CCDC148: variants seen among roughly 807,000 people sequenced by gnomAD.
CCDC148 encodes coiled-coil domain-containing protein 148.
In CCDC148, 89 loss-of-function variants were observed where a neutral mutation model predicts 85.7. The ratio of observed to expected loss-of-function variants is 1.04; its 90% CI spans 0.87 to 1.24. The LOEUF is 1.24. Ranked by LOEUF, CCDC148 falls within the 50% of genes most tolerant of loss-of-function variation. The pLI, the probability that CCDC148 is intolerant of heterozygous loss-of-function variation, is 0.00. For synonymous variants in CCDC148, 230 were observed against 213.9 expected (o/e 1.08, Z -0.66); for missense variants, 692 against 671.7 (o/e 1.03, Z -0.33).
chr2:158,415,918 C>T (rs1444697427), intron 1 of CCDC148, among the ~76,000 whole-genome samples: 1 of 152,232 alleles, frequency 6.6e-6, no homozygotes, highest in Non-Finnish European at 1.5e-5. Flanking sequence ...TTCCCCTCTA[C>T]ACTGTCCTAG....
intron 1 of CCDC148, among the ~76,000 whole-genome samples, chr2:158,388,701 G>A (rs1304907097): frequency 6.6e-6 from 1 of 152,074 alleles, no homozygotes; most frequent in Non-Finnish European, 1.5e-5. Flanking sequence ...CACCATGTTG[G>A]CCAGGCTGGG....
chr2:158,247,589 G>C (rs1225926481), intron 10 of CCDC148, among the ~76,000 whole-genome samples: 2 of 152,162 alleles, frequency 1.3e-5, no homozygotes, highest in African/African-American at 4.8e-5. Flanking sequence ...GGGCATGGTA[G>C]CTCACACCTG....
rs145456744 is a variant in CCDC148 at position 158,183,051 on chromosome 2, G to A, written c.1371-4055C>T. On this transcript the variant is annotated intron_variant, in intron 11 of 13. Transcript: ENST00000283233. Reference sequence around the variant, plus strand: ...TGCACTGAATTCCCAAACAGAAACCGTCTTGGGTTCATTTCTCAGTCTATT... The same window carrying A: ...TGCACTGAATTCCCAAACAGAAACCATCTTGGGTTCATTTCTCAGTCTATT... 4.6e-5 allele frequency among the ~76,000 whole-genome samples: 7 copies of A among 152,216 alleles called. No homozygotes were observed. In the East Asian group the frequency reaches 7.7e-4, roughly 17 times the overall value.
At chr2:158,195,733 G>C (rs992136588) in intron 11 of CCDC148, among the ~76,000 whole-genome samples, 3 of 152,120 alleles carry the variant, frequency 2.0e-5, no homozygotes, top group Non-Finnish European at 4.4e-5. Flanking sequence ...AAGAAGACAA[G>C]ATAGAAATAT....
chr2:158,236,990 C>A (rs1048410583), intron 10 of CCDC148, among the ~76,000 whole-genome samples: 1 of 151,962 alleles, frequency 6.6e-6, no homozygotes, highest in African/African-American at 2.4e-5. Context: ...AAAGAGGATG[C>A]CATTTTTGTT....
intron 9 of CCDC148, among the ~76,000 whole-genome samples, chr2:158,280,135 A>G (rs1247184948): frequency 3.3e-5 from 5 of 152,200 alleles, no homozygotes; most frequent in African/African-American, 1.2e-4. Context: ...AGCACTAAAC[A>G]TGGAAAGGAA....
rs967396504 is a variant in CCDC148, at chr2:158,332,505, G to A, written c.764+6221C>T. Among the ~76,000 whole-genome samples the A allele has an allele frequency of 2.1e-5, 3 of 142,060 alleles. 1 individual carries two copies. Among genetic ancestry groups the A allele is most frequent in the African/African-American group, 5.4e-5 (2 of 37,116 alleles). 93.2% of individuals were successfully genotyped at this position (142,060 alleles called of 152,430 possible). ...TGGTCTGAAATTTTCTTTTTTTGTC[G>A]TGTCTCTGCCAGGTTTTGGTATCAG... On this transcript the variant is annotated intron_variant, in intron 7 of 13. Transcript: ENST00000283233.
intron 1 of CCDC148, among the ~76,000 whole-genome samples, chr2:158,405,671 A>G (rs981234735): frequency 5.3e-5 from 8 of 152,280 alleles, no homozygotes; most frequent in African/African-American, 1.9e-4. Flanking sequence ...TTAAACATTA[A>G]AGAACAGTTC....
chr2:158,403,236 GTC>G (rs1173597040), intron 1 of CCDC148, among the ~76,000 whole-genome samples: 2 of 151,336 alleles, frequency 1.3e-5, no homozygotes, highest in African/African-American at 2.4e-5. Flanking sequence ...CAGTCAAAAT[GTC>G]TGTCAACTCC....
intron 1 of CCDC148, among the ~76,000 whole-genome samples, chr2:158,380,312 T>G (rs577566605): frequency 6.6e-6 from 1 of 152,218 alleles, no homozygotes; most frequent in South Asian, 2.1e-4. Flanking sequence ...AATAGTACTG[T>G]AAAAGAAAGC....
At chr2:158,437,313 C>T (rs1687706171) in intron 1 of CCDC148, among the ~76,000 whole-genome samples, 2 of 152,196 alleles carry the variant, frequency 1.3e-5, no homozygotes, top group Admixed American at 1.3e-4. Context: ...GGATACAAGG[C>T]TGGTTCAACA....
At chr2:158,291,241 C>T (rs921913079) in intron 9 of CCDC148, among the ~76,000 whole-genome samples, 6 of 152,112 alleles carry the variant, frequency 3.9e-5, no homozygotes, top group East Asian at 3.9e-4. Flanking sequence ...GCATGTGCCA[C>T]GGTCCCCAGG....
At chr2:158,444,785 GAAAAAAAAA>G (rs11433320) in intron 1 of CCDC148, among the ~76,000 whole-genome samples, 4 of 66,678 alleles carry the variant, frequency 6.0e-5, no homozygotes, top group African/African-American at 2.8e-4. Context: ...ACCCTGTCTT[GAAAAAAAAA>G]AAAAAAAAAA....
At chr2:158,298,658 C>T (rs1691306873) in intron 9 of CCDC148, among the ~76,000 whole-genome samples, 1 of 152,136 alleles carries the variant, frequency 6.6e-6, no homozygotes, top group Non-Finnish European at 1.5e-5. Context: ...AAAGCCAATT[C>T]AATAGATTCT....
chr2:158,440,607 C>A (rs915492863), intron 1 of CCDC148, among the ~76,000 whole-genome samples: 2 of 152,054 alleles, frequency 1.3e-5, no homozygotes, highest in South Asian at 2.1e-4. Context: ...AAATTAGGCA[C>A]AGTAAAAGAT....
chr2:158,330,928 C>G (rs1414120070), intron 7 of CCDC148, among the ~76,000 whole-genome samples: 2 of 152,084 alleles, frequency 1.3e-5, no homozygotes, highest in Non-Finnish European at 2.9e-5. Flanking sequence ...TTCTGGCAGT[C>G]TATCAATTTT....
chr2:158,329,116 T>G (rs967252702), intron 7 of CCDC148, among the ~76,000 whole-genome samples: 5 of 152,212 alleles, frequency 3.3e-5, no homozygotes, highest in African/African-American at 1.2e-4. Context: ...TGGTATTGCC[T>G]AGGTTTTCTT....
intron 1 of CCDC148, among the ~76,000 whole-genome samples, chr2:158,365,239 A>C (rs537457459): frequency 4.6e-5 from 7 of 152,190 alleles, no homozygotes; most frequent in Non-Finnish European, 1.0e-4. Context: ...ATTGTGGAAG[A>C]GAGTGTGGTG....
At chr2:158,180,452 T>C (rs1359559199) in intron 11 of CCDC148, among the ~76,000 whole-genome samples, 1 of 151,934 alleles carries the variant, frequency 6.6e-6, no homozygotes, top group Non-Finnish European at 1.5e-5. Context: ...CACTGCACTG[T>C]GGGAGGGGCT....
Sources: allele counts gnomAD v4.1 joint callset (sites outside exome capture counted in the v4.1 genomes callset), GRCh38; gene constraint gnomAD v4.1.1; transcripts MANE v1.5; gene names NCBI Gene and HGNC (gene_info 2026-07-23, HGNC 2026-07-21).